NIPBL: variants seen among roughly 807,000 people sequenced by gnomAD.
NIPBL encodes the protein NIPBL cohesin loading factor, also known as nipped-B-like protein.
In NIPBL, 19 loss-of-function variants were observed where a neutral mutation model predicts 321.8. That is an observed-to-expected ratio of 0.06 (90% CI 0.04 to 0.09). The LOEUF (loss-of-function observed/expected upper bound fraction) is 0.09. Among genes scored for constraint, NIPBL ranks in the 10% least tolerant of loss-of-function variants. NIPBL has a pLI of 1.00. For synonymous variants in NIPBL, 1,106 were observed against 1,114.1 expected (o/e 0.99, Z 0.14); for missense variants, 2,210 against 3,327.0 (o/e 0.66, Z 8.26).
chr5:37,007,436 C>G lies in NIPBL; in HGVS notation c.4201C>G (p.Leu1401Val). The change falls in exon 18 of 47, where the codon CTA becomes GTA. Residue 1401 changes from leucine to valine, a missense_variant. Leu to Val is a conservative substitution (Grantham distance 32). Around this residue, in one of 14 missense-constraint regions of NIPBL, gnomAD observed 381 missense variants for 642.3 expected, o/e 0.59. Transcript: ENST00000282516. ...CDIVSSLSELLEIQLLTDTTI... is the reference protein window; with the variant it reads ...CDIVSSLSELVEIQLLTDTTI... ...CATTGTTAGCAGCTTATCAGAATTG[C>G]TAGAGATACAACTTCTTACAGACAC... The G allele has an allele frequency of 6.2e-7, 1 of 1,611,558 alleles. No individual in the cohort carries two copies. The highest frequency in any genetic ancestry group is 8.5e-7 in the Non-Finnish European group (1 of 1,178,262).
chr5:36,933,291 ATAG>A (rs930922907), intron 1 of NIPBL, among the ~76,000 whole-genome samples: 14 of 152,072 alleles, frequency 9.2e-5, no homozygotes, highest in African/African-American at 3.4e-4. Context: ...TCCTCATTAC[ATAG>A]TAGAATGGTA....
chr5:37,047,046 C>T (rs1753055663), intron 38 of NIPBL, among the ~76,000 whole-genome samples: 1 of 152,026 alleles, frequency 6.6e-6, no homozygotes. Context: ...AACAATACAA[C>T]AGCAATTTAC....
intron 6 of NIPBL, among the ~76,000 whole-genome samples, chr5:36,967,396 A>G (rs1742323651): frequency 6.6e-6 from 1 of 152,100 alleles, no homozygotes; most frequent in Admixed American, 6.5e-5. Context: ...ACCTCCCTTA[A>G]AAGAAGGGGA....
At chr5:36,999,477 A>G (rs571910193) in intron 11 of NIPBL, among the ~76,000 whole-genome samples, 7 of 152,270 alleles carry the variant, frequency 4.6e-5, no homozygotes, top group Admixed American at 1.3e-4. Context: ...CCCAGCTCTT[A>G]CTGCAGACAT....
At chr5:36,899,490 GT>G (rs1200623250) in intron 1 of NIPBL, among the ~76,000 whole-genome samples, 3 of 152,164 alleles carry the variant, frequency 2.0e-5, no homozygotes, top group Non-Finnish European at 4.4e-5. Context: ...GTTGTAATGA[GT>G]TTGGTTTGTT....
At chr5:37,061,915 C>CA (rs1390215653) in intron 45 of NIPBL, among the ~76,000 whole-genome samples, 1 of 152,168 alleles carries the variant, frequency 6.6e-6, no homozygotes, top group Non-Finnish European at 1.5e-5. Flanking sequence ...GATCTCGGCT[C>CA]ACCGCAACTT....
In NIPBL at chr5:37,065,110, G is replaced by C. The variant is rs1487002215; in HGVS notation, c.*218G>C. The C allele has an allele frequency of 1.0e-5, 6 of 575,102 alleles. No individual in the cohort carries two copies. The highest frequency in any genetic ancestry group is 3.8e-5 in the African/African-American group (2 of 53,224). 35.6% of individuals were successfully genotyped at this position (575,102 alleles called of 1,614,324 possible). A position where few individuals can be genotyped will look rare whatever the true frequency, so the allele number is the denominator to read the frequency against. On this transcript the variant is annotated 3_prime_UTR_variant, in exon 47 of 47. Coordinates refer to ENST00000282516, the MANE Select transcript of NIPBL (RefSeq NM_133433.4). ...TTCTCAGTTCATTTTTACTCCCACT[G>C]TATTATAGTTTAACAAAAATTGTTT... is the stretch of plus-strand genomic sequence containing the variant.
chr5:36,935,544 G>A (rs1270492068), intron 1 of NIPBL, among the ~76,000 whole-genome samples: 1 of 152,068 alleles, frequency 6.6e-6, no homozygotes, highest in Admixed American at 6.6e-5. Context: ...GTACCATATT[G>A]TATTAGAATT....
intron 10 of NIPBL, among the ~76,000 whole-genome samples, chr5:36,989,358 A>G (rs1418460713): frequency 6.6e-6 from 1 of 152,098 alleles, no homozygotes; most frequent in East Asian, 1.9e-4. Context: ...TTCCATCACC[A>G]TGTTTATTCC....
intron 6 of NIPBL, among the ~76,000 whole-genome samples, chr5:36,962,488 A>C (rs1477900401): frequency 6.6e-6 from 1 of 152,214 alleles, no homozygotes; most frequent in Non-Finnish European, 1.5e-5. Context: ...GAGCAGTGTC[A>C]TTTTGGCTTT....
At chr5:37,001,238 A>G (rs368677096) in intron 14 of NIPBL, among the ~76,000 whole-genome samples, 160 bp downstream of exon 14, 5 of 152,122 alleles carry the variant, frequency 3.3e-5, no homozygotes, top group African/African-American at 1.2e-4. Context: ...CTAGTCTGTT[A>G]TTTGACTAGC....
At chr5:36,924,509 A>G (rs1335052599) in intron 1 of NIPBL, among the ~76,000 whole-genome samples, 1 of 151,748 alleles carries the variant, frequency 6.6e-6, no homozygotes, top group Non-Finnish European at 1.5e-5. Flanking sequence ...AAAGGCTTCC[A>G]TTTCTATAAT....
chr5:37,020,987 ATAGATG>A lies in NIPBL; in HGVS notation c.5328+114_5328+119del, dbSNP rs529465497. Reference sequence around the variant, plus strand: ...GTTGAGTACAGATACTTAAAAGATCATAGATGTAGTATTTGTTTTTAGGTTCTCCGG... The same window carrying A: ...GTTGAGTACAGATACTTAAAAGATCATAGTATTTGTTTTTAGGTTCTCCGG... On this transcript the variant is annotated intron_variant, in intron 27 of 46. Transcript: ENST00000282516. 8.3e-4 allele frequency: 712 copies of A among 862,528 alleles called. 1 individual carries two copies. The highest frequency in any genetic ancestry group is 9.5e-4 in the Admixed American group (55 of 57,866). 53.4% of individuals were successfully genotyped at this position (862,528 alleles called of 1,614,324 possible).
rs777623644 is a variant in NIPBL at position 37,041,771 on chromosome 5, G to A, written c.6109-2576G>A. Among the ~76,000 whole-genome samples the A allele has an allele frequency of 3.3e-5, 5 of 151,610 alleles. No homozygotes were observed. In the South Asian group the frequency reaches 1.0e-3, roughly 32 times the overall value. On this transcript the variant is annotated intron_variant, in intron 34 of 46. Coordinates refer to ENST00000282516, the MANE Select transcript of NIPBL (RefSeq NM_133433.4). Reference sequence around the variant, plus strand: ...GTAGAGACAGGGAATTGCCATGTTGGCCAGGCTGGTCTTGAACTCCGGGCC... The same window carrying A: ...GTAGAGACAGGGAATTGCCATGTTGACCAGGCTGGTCTTGAACTCCGGGCC...
At chr5:36,950,625 G>A (rs1740181970) in intron 1 of NIPBL, among the ~76,000 whole-genome samples, 8 of 152,020 alleles carry the variant, frequency 5.3e-5, no homozygotes, top group Admixed American at 5.2e-4. Flanking sequence ...ACCAATCACA[G>A]ATTGTAAAGC....
At chr5:36,945,841 G>A (rs1341182283) in intron 1 of NIPBL, among the ~76,000 whole-genome samples, 2 of 152,060 alleles carry the variant, frequency 1.3e-5, no homozygotes, top group East Asian at 3.9e-4. Context: ...TAGCAGGCAG[G>A]GAAAAGGAAT....
intron 2 of NIPBL, chr5:36,954,882 T>G (rs1740768421): frequency 6.5e-6 from 1 of 153,332 alleles, no homozygotes; most frequent in Non-Finnish European, 1.5e-5. Flanking sequence ...TTTAAGCTAC[T>G]ATAAAACATT....
At chr5:36,938,953 A>G (rs1283564854) in intron 1 of NIPBL, among the ~76,000 whole-genome samples, 6 of 152,038 alleles carry the variant, frequency 3.9e-5, no homozygotes, top group Non-Finnish European at 5.9e-5. Context: ...TTACTATTCT[A>G]TCACTGTAAA....
intron 1 of NIPBL, among the ~76,000 whole-genome samples, chr5:36,941,267 T>C (rs1739027383): frequency 6.6e-6 from 1 of 152,188 alleles, no homozygotes; most frequent in Non-Finnish European, 1.5e-5. Flanking sequence ...TTTGTGTTTA[T>C]ATGTCATAAT....
Sources: gnomAD v4.1 joint callset for allele counts (sites outside exome capture counted in the v4.1 genomes callset) on GRCh38, gnomAD v4.1.1 for gene constraint, gnomAD v4.1.1 regional missense constraint, MANE v1.5 for transcripts, NCBI Gene and HGNC (gene_info 2026-07-23, HGNC 2026-07-21) for gene names.